The following LHFPL6 variants were observed in gnomAD, a reference collection of about 807,000 sequenced individuals.
LHFPL6 encodes the protein LHFPL tetraspan subfamily member 6 protein.
A neutral mutation model predicts 20.6 loss-of-function variants in LHFPL6; 9 were observed. The ratio of observed to expected loss-of-function variants is 0.44; its 90% CI spans 0.26 to 0.76. LHFPL6 has a LOEUF of 0.76. LHFPL6 is among the 30% of genes least tolerant of loss of function. The pLI, the probability that LHFPL6 is intolerant of heterozygous loss-of-function variation, is 0.20. For synonymous variants in LHFPL6, 105 were observed against 98.7 expected (o/e 1.06, Z -0.38); for missense variants, 218 against 253.5 (o/e 0.86, Z 0.95).
intron 2 of LHFPL6, among the ~76,000 whole-genome samples, chr13:39,481,391 A>AT: frequency 6.6e-6 from 1 of 152,216 alleles, no homozygotes. Flanking sequence ...CTCTAAATTA[A>AT]TAAGATATAA....
chr13:39,412,446 C>T (rs940494726), intron 2 of LHFPL6, among the ~76,000 whole-genome samples: 2 of 152,164 alleles, frequency 1.3e-5, no homozygotes, highest in African/African-American at 4.8e-5. Flanking sequence ...CAGCAGGAAT[C>T]TTAATTATAC....
At chr13:39,496,573 C>T (rs1379064332) in intron 2 of LHFPL6, among the ~76,000 whole-genome samples, 1 of 152,162 alleles carries the variant, frequency 6.6e-6, no homozygotes, top group Non-Finnish European at 1.5e-5. Context: ...TTCCCAAATG[C>T]AAAGGACCAG....
chr13:39,344,172 G>C, intron 3 of LHFPL6, 118 bp from the exon 4 acceptor site: 1 of 690,068 alleles, frequency 1.4e-6, no homozygotes, highest in African/African-American at 1.8e-5. Context: ...TGGTATCCTC[G>C]CTTAAATGGA....
intron 2 of LHFPL6, among the ~76,000 whole-genome samples, chr13:39,479,541 G>T (rs1426292686): frequency 6.6e-6 from 1 of 152,044 alleles, no homozygotes; most frequent in African/African-American, 2.4e-5. Context: ...AATAGGAATA[G>T]GGAATAGAAA....
Position 39,415,253 on chromosome 13 carries a change from G to A in LHFPL6, c.386-36727C>T, listed in dbSNP as rs528969598. 3.9e-5 allele frequency among the ~76,000 whole-genome samples: 6 copies of A among 152,276 alleles called. No individual in the cohort carries two copies. The South Asian group carries it at 8.3e-4, about 21-fold the overall frequency. On this transcript the variant is annotated intron_variant, in intron 2 of 3. Transcript: ENST00000379589. ...TAATTTCCAGGAACTGACACAGAAC[G>A]CAGAGTGAAATAACTCAGCTGGGCA...
chr13:39,361,294 C>T lies in LHFPL6; in HGVS notation c.484+17134G>A, dbSNP rs1470691246. 3.1e-5 allele frequency among the ~76,000 whole-genome samples: 2 copies of T among 65,042 alleles called. 1 individual carries two copies. The highest frequency in any genetic ancestry group is 1.3e-3 in the East Asian group (2 of 1,582). 42.7% of individuals were successfully genotyped at this position (65,042 alleles called of 152,430 possible). A position where few individuals can be genotyped will look rare whatever the true frequency, so the allele number is the denominator to read the frequency against. ...ACTTTTTTTCTTTCAAATTTTGAGC[C>T]TCTGAAGAATTTTTTTTAATTTTTT... On this transcript the variant is annotated intron_variant, in intron 3 of 3. Coordinates refer to ENST00000379589, the MANE Select transcript of LHFPL6 (RefSeq NM_005780.3).
At chr13:39,548,449 A>AT (rs1296891677) in intron 2 of LHFPL6, among the ~76,000 whole-genome samples, 1 of 152,126 alleles carries the variant, frequency 6.6e-6, no homozygotes, top group Non-Finnish European at 1.5e-5. Context: ...GGGCAACAAC[A>AT]TAACTCCCGA....
At chr13:39,396,273 T>G (rs746948988) in intron 2 of LHFPL6, among the ~76,000 whole-genome samples, 1 of 152,240 alleles carries the variant, frequency 6.6e-6, no homozygotes, top group South Asian at 2.1e-4. Flanking sequence ...ATATTGTATA[T>G]AAGGGCAAGG....
intron 2 of LHFPL6, among the ~76,000 whole-genome samples, chr13:39,583,231 T>TG (rs1205702138): frequency 1.2e-4 from 17 of 147,446 alleles, no homozygotes; most frequent in Non-Finnish European, 2.4e-4. Flanking sequence ...TGGAGTGCAG[T>TG]GCACAATCTC....
chr13:39,478,175 G>A (rs538537485), intron 2 of LHFPL6, among the ~76,000 whole-genome samples: 55 of 152,282 alleles, frequency 3.6e-4, no homozygotes, highest in African/African-American at 1.3e-3. Context: ...TCTAAGAAGT[G>A]AGGATCCCTG....
At chr13:39,523,767 C>T (rs6563719) in intron 2 of LHFPL6, among the ~76,000 whole-genome samples, 117,981 of 152,110 alleles carry the variant, frequency 0.78, 45,847 homozygotes, top group Middle Eastern at 0.82. Flanking sequence ...ATCAATACAA[C>T]ACCCATTTAT....
At chr13:39,479,114 CATCCATCTATCT>C (rs1304677772) in intron 2 of LHFPL6, among the ~76,000 whole-genome samples, 17 of 124,016 alleles carry the variant, frequency 1.4e-4, no homozygotes, top group African/African-American at 4.2e-4. Context: ...CCTATCTATC[CATCCATCTATCT>C]ATCTATCTAT....
At chr13:39,350,476 G>A (rs922627609) in intron 3 of LHFPL6, among the ~76,000 whole-genome samples, 27 of 152,178 alleles carry the variant, frequency 1.8e-4, no homozygotes, top group African/African-American at 6.5e-4. Context: ...CTCTTCATGA[G>A]TAGTAATGAA....
Position 39,378,290 on chromosome 13 carries a change from T to C in LHFPL6, c.484+138A>G, listed in dbSNP as rs1273546446. ...CTCTTCACTAAATAAATGGATACAT[T>C]TATATTGTTACACGTGACTACTGGC... On this transcript the variant is annotated intron_variant, in intron 3 of 3. Transcript: ENST00000379589. 9.4e-6 allele frequency: 6 copies of C among 635,568 alleles called. No individual in the cohort carries two copies. In the Admixed American group the frequency reaches 1.0e-4, roughly 11 times the overall value. The allele number at this position is 635,568 out of a possible 1,614,324, so 39.4% of individuals were successfully genotyped here.
intron 2 of LHFPL6, among the ~76,000 whole-genome samples, chr13:39,399,134 T>A (rs991870762): frequency 6.6e-5 from 10 of 152,210 alleles, no homozygotes; most frequent in African/African-American, 2.2e-4. Flanking sequence ...CCAGACACCA[T>A]AAAAGGGGCT....
At chr13:39,349,038 A>T (rs7332991) in intron 3 of LHFPL6, among the ~76,000 whole-genome samples, 11,172 of 152,248 alleles carry the variant, frequency 0.073, 724 homozygotes, top group African/African-American at 0.17. Context: ...CACCAATCAG[A>T]CATATATGCA....
chr13:39,507,107 G>C (rs775076878), intron 2 of LHFPL6, among the ~76,000 whole-genome samples: 1 of 152,188 alleles, frequency 6.6e-6, no homozygotes, highest in African/African-American at 2.4e-5. Flanking sequence ...CTAGCTTACT[G>C]GGAAAATGCA....
chr13:39,356,791 T>C (rs2324258), intron 3 of LHFPL6, among the ~76,000 whole-genome samples: 80,919 of 152,078 alleles, frequency 0.53, 22,973 homozygotes, highest in Non-Finnish European at 0.61. Flanking sequence ...CCTGGAAACA[T>C]ACAACTTCTC....
At chr13:39,379,031 C>T (rs762287898) in intron 2 of LHFPL6, among the ~76,000 whole-genome samples, 6 of 152,092 alleles carry the variant, frequency 3.9e-5, no homozygotes, top group Non-Finnish European at 8.8e-5. Flanking sequence ...TTCATCAAAC[C>T]TCTGAACGGT....
Sources: allele counts gnomAD v4.1 joint callset (sites outside exome capture counted in the v4.1 genomes callset), GRCh38; gene constraint gnomAD v4.1.1; transcripts MANE v1.5; gene names NCBI Gene and HGNC (gene_info 2026-07-23, HGNC 2026-07-21).